Variants in ALK observed in about 807,000 individuals in gnomAD.
ALK encodes ALK tyrosine kinase receptor.
ALK carries 74 observed loss-of-function variants against 163.1 expected under a neutral mutation model. That is an observed-to-expected ratio of 0.45 (90% CI 0.38 to 0.55). The LOEUF (loss-of-function observed/expected upper bound fraction) is 0.55, where lower values mean the gene tolerates loss of function less well. ALK is among the 20% of genes least tolerant of loss of function. The probability of loss-of-function intolerance (pLI) is 0.00; values close to 1 mark genes in which losing one functional copy is unlikely to be tolerated. For missense variants in ALK, 2,063 were observed against 2,105.3 expected (o/e 0.98, Z 0.39); for synonymous variants, 960 against 843.2 (o/e 1.14, Z -2.40).
intron 4 of ALK, among the ~76,000 whole-genome samples, chr2:29,416,557 A>G (rs1669882139): frequency 6.6e-6 from 1 of 152,240 alleles, no homozygotes; most frequent in African/African-American, 2.4e-5. Flanking sequence ...ATCATTAAGG[A>G]AAGCGAGAAT....
intron 1 of ALK, among the ~76,000 whole-genome samples, chr2:29,852,829 G>A (rs1319276913): frequency 4.8e-5 from 2 of 41,316 alleles, no homozygotes; most frequent in African/African-American, 1.4e-4. Context: ...AAAGACCAGA[G>A]CTTTCTCTCT....
At chr2:29,489,064 A>C (rs1181192974) in intron 4 of ALK, among the ~76,000 whole-genome samples, 2 of 152,220 alleles carry the variant, frequency 1.3e-5, no homozygotes, top group Non-Finnish European at 2.9e-5. Context: ...TGAACGACTA[A>C]CTAGAGCAGA....
intron 11 of ALK, among the ~76,000 whole-genome samples, chr2:29,259,202 G>A (rs1665024408): frequency 6.6e-6 from 1 of 152,030 alleles, no homozygotes; most frequent in Non-Finnish European, 1.5e-5. Context: ...CTTACACACA[G>A]TATTAGAGTC....
chr2:29,638,567 A>C (rs1270020861), intron 3 of ALK, among the ~76,000 whole-genome samples: 1 of 152,108 alleles, frequency 6.6e-6, no homozygotes, highest in Non-Finnish European at 1.5e-5. Flanking sequence ...AGGGGCATGT[A>C]CACCAAGGAT....
At chr2:29,652,128 AT>A (rs2148254525) in intron 3 of ALK, among the ~76,000 whole-genome samples, 1 of 152,290 alleles carries the variant, frequency 6.6e-6, no homozygotes, top group Non-Finnish European at 1.5e-5. Context: ...TCTTAAACAA[AT>A]TTCTATTTTA....
intron 5 of ALK, among the ~76,000 whole-genome samples, chr2:29,379,774 T>G (rs577923274): frequency 2.0e-4 from 30 of 152,360 alleles, no homozygotes; most frequent in African/African-American, 5.3e-4. Flanking sequence ...GGAGACCAGT[T>G]GGCTGCTGCC....
intron 4 of ALK, among the ~76,000 whole-genome samples, chr2:29,485,160 T>C (rs1671750529): frequency 6.6e-6 from 1 of 152,202 alleles, no homozygotes; most frequent in Non-Finnish European, 1.5e-5. Flanking sequence ...GATGCCCTTT[T>C]AGACTATGTC....
chr2:29,313,994 C>T (rs1387496064), intron 8 of ALK, among the ~76,000 whole-genome samples: 4 of 152,130 alleles, frequency 2.6e-5, no homozygotes, highest in Non-Finnish European at 4.4e-5. Flanking sequence ...GTCCTATTTG[C>T]CTGCTGCCGA....
At chr2:29,569,572 CT>C (rs375160303) in intron 3 of ALK, among the ~76,000 whole-genome samples, 4,645 of 24,402 alleles carry the variant, frequency 0.19, 95 homozygotes, top group South Asian at 0.41. Context: ...TTCCCCCCCC[CT>C]AGTGAGGTCC....
chr2:29,251,072 T>G (rs1376282665), intron 12 of ALK, 33 bp downstream of exon 12: 2 of 1,607,144 alleles, frequency 1.2e-6, no homozygotes, highest in Admixed American at 1.7e-5. Context: ...GAAGGGGTGG[T>G]CTGCCCCTCC....
At chr2:29,215,460 G>A (rs1219739944) in intron 23 of ALK, among the ~76,000 whole-genome samples, 1 of 152,166 alleles carries the variant, frequency 6.6e-6, no homozygotes, top group African/African-American at 2.4e-5. Flanking sequence ...ACATGCCCCA[G>A]AGCACATACA....
intron 8 of ALK, among the ~76,000 whole-genome samples, chr2:29,308,318 G>T (rs952208725): frequency 2.0e-5 from 3 of 151,620 alleles, no homozygotes; most frequent in Admixed American, 6.6e-5. Context: ...TCTTTGGGGG[G>T]TAAGATTTTG....
intron 1 of ALK, among the ~76,000 whole-genome samples, chr2:29,811,797 T>C (rs1292013860): frequency 6.6e-6 from 1 of 152,244 alleles, no homozygotes; most frequent in Admixed American, 6.5e-5. Flanking sequence ...CTCTTGATAC[T>C]GTGTATCTCA....
chr2:29,561,975 T>C (rs1277607009), intron 3 of ALK, among the ~76,000 whole-genome samples: 1 of 152,102 alleles, frequency 6.6e-6, no homozygotes, highest in Non-Finnish European at 1.5e-5. Context: ...ACCCAGGGCC[T>C]TGCTCAGCAA....
At chr2:29,788,794 T>C (rs1440527178) in intron 1 of ALK, among the ~76,000 whole-genome samples, 2 of 152,212 alleles carry the variant, frequency 1.3e-5, no homozygotes, top group African/African-American at 4.8e-5. Context: ...GGACCCATTA[T>C]AGCTGAACCT....
At chr2:29,667,115 C>A (rs557082752) in intron 3 of ALK, among the ~76,000 whole-genome samples, 1 of 152,222 alleles carries the variant, frequency 6.6e-6, no homozygotes, top group South Asian at 2.1e-4. Flanking sequence ...CATATTTTGA[C>A]TATTGTGAAT....
chr2:29,745,627 G>C (rs1680189703), intron 1 of ALK, among the ~76,000 whole-genome samples: 1 of 152,138 alleles, frequency 6.6e-6, no homozygotes, highest in South Asian at 2.1e-4. Flanking sequence ...TTTGGACCCA[G>C]CTTAAATGTC....
At chr2:29,833,316 G>A (rs1011369369) in intron 1 of ALK, among the ~76,000 whole-genome samples, 4 of 152,192 alleles carry the variant, frequency 2.6e-5, no homozygotes, top group African/African-American at 7.2e-5. Flanking sequence ...CATCAATAAT[G>A]CAGCAGCCTC....
At chr2:29,330,626 T>C (rs1667410511) in intron 5 of ALK, among the ~76,000 whole-genome samples, 1 of 152,220 alleles carries the variant, frequency 6.6e-6, no homozygotes, top group Non-Finnish European at 1.5e-5. Flanking sequence ...GTGAAAATGT[T>C]ACCTATGTGG....
Sources: gnomAD v4.1 joint callset for allele counts (sites outside exome capture counted in the v4.1 genomes callset) on GRCh38, gnomAD v4.1.1 for gene constraint, MANE v1.5 for transcripts, NCBI Gene and HGNC (gene_info 2026-07-23, HGNC 2026-07-21) for gene names.